Variants in CNTNAP2 observed in about 807,000 individuals in gnomAD.
CNTNAP2 encodes contactin associated protein 2, also known as contactin-associated protein-like 2.
A neutral mutation model predicts 155.2 loss-of-function variants in CNTNAP2; 98 were observed. The observed-to-expected ratio is 0.63, with a 90% CI of 0.54 to 0.75. The LOEUF (loss-of-function observed/expected upper bound fraction) is 0.75, where lower values mean the gene tolerates loss of function less well. Ranked by LOEUF, CNTNAP2 falls within the 30% of genes least tolerant of loss-of-function variation. The pLI is 0.00. For missense variants in CNTNAP2, 1,727 were observed against 1,688.1 expected (o/e 1.02, Z -0.40); for synonymous variants, 651 against 631.2 (o/e 1.03, Z -0.47).
intron 3 of CNTNAP2, among the ~76,000 whole-genome samples, chr7:146,995,889 T>C (rs1466120381): frequency 6.6e-6 from 1 of 152,134 alleles, no homozygotes; most frequent in Admixed American, 6.6e-5. Flanking sequence ...ATTCCACTTG[T>C]CTATTTTTTT....
intron 21 of CNTNAP2, among the ~76,000 whole-genome samples, chr7:148,359,886 T>C (rs535163386): frequency 1.1e-4 from 16 of 152,250 alleles, no homozygotes; most frequent in Non-Finnish European, 2.2e-4. Flanking sequence ...TGATTCATTA[T>C]TACTTTAAAC....
At chr7:147,702,055 GTT>G (rs553693695) in intron 13 of CNTNAP2, among the ~76,000 whole-genome samples, 2,399 of 111,848 alleles carry the variant, frequency 0.021, 69 homozygotes, top group African/African-American at 0.072. Flanking sequence ...ACTTTGGTTG[GTT>G]TTTTTTTTTT....
chr7:147,140,938 CG>C (rs796743693), intron 8 of CNTNAP2, among the ~76,000 whole-genome samples: 32 of 152,166 alleles, frequency 2.1e-4, no homozygotes, highest in African/African-American at 7.2e-4. Context: ...AATGAGACTC[CG>C]GGGCCATCCA....
chr7:146,322,384 G>A (rs1801019388), intron 1 of CNTNAP2, among the ~76,000 whole-genome samples: 1 of 152,120 alleles, frequency 6.6e-6, no homozygotes, highest in Non-Finnish European at 1.5e-5. Flanking sequence ...TTAAAAATGT[G>A]CATGATGTTT....
intron 8 of CNTNAP2, among the ~76,000 whole-genome samples, chr7:147,261,734 A>G (rs140507338): frequency 2.0e-5 from 3 of 152,318 alleles, no homozygotes; most frequent in African/African-American, 7.2e-5. Context: ...AGCAGAAGAC[A>G]ATGCTAAAAA....
chr7:148,205,572 A>G lies in CNTNAP2; in HGVS notation c.3011-11716A>G, dbSNP rs554455218. Among the ~76,000 whole-genome samples the G allele has an allele frequency of 6.1e-4, 93 of 152,350 alleles. 2 individuals are homozygous for G. In the South Asian group the frequency reaches 8.3e-3, roughly 14 times the overall value. On this transcript the variant is annotated intron_variant, in intron 18 of 23. Coordinates refer to ENST00000361727, the MANE Select transcript of CNTNAP2 (RefSeq NM_014141.6). The stretch of plus-strand genomic sequence containing the variant: ...TGTAAGTCCTTTCATTCTTTTGGAT[A>G]TATTATTCTAAATGCATCTTATAAC...
chr7:147,292,660 A>AC (rs1171569183), intron 8 of CNTNAP2, among the ~76,000 whole-genome samples: 1 of 152,162 alleles, frequency 6.6e-6, no homozygotes, highest in Non-Finnish European at 1.5e-5. Context: ...CAAGATAAGG[A>AC]CCACTACCTA....
At chr7:147,501,475 A>G (rs1325036691) in intron 11 of CNTNAP2, among the ~76,000 whole-genome samples, 1 of 152,168 alleles carries the variant, frequency 6.6e-6, no homozygotes, top group Non-Finnish European at 1.5e-5. Context: ...TCTTATAGAG[A>G]GATGTCCCTG....
At chr7:148,162,919 G>T (rs1242912977) in intron 17 of CNTNAP2, among the ~76,000 whole-genome samples, 2 of 152,202 alleles carry the variant, frequency 1.3e-5, no homozygotes, top group Admixed American at 1.3e-4. Flanking sequence ...AGGATTGCTT[G>T]AGCTCAGGAG....
intron 3 of CNTNAP2, among the ~76,000 whole-genome samples, chr7:146,949,996 GA>G (rs1358307682): frequency 6.6e-6 from 1 of 152,116 alleles, no homozygotes; most frequent in African/African-American, 2.4e-5. Flanking sequence ...CATCTGTCAG[GA>G]AATGATTAAT....
At chr7:147,357,161 C>T (rs115203296) in intron 9 of CNTNAP2, among the ~76,000 whole-genome samples, 1 of 152,218 alleles carries the variant, frequency 6.6e-6, no homozygotes, top group East Asian at 1.9e-4. Flanking sequence ...CTTTCTGGGT[C>T]TACCCCTTTG....
At chr7:146,315,759 A>G (rs1800895669) in intron 1 of CNTNAP2, among the ~76,000 whole-genome samples, 2 of 152,120 alleles carry the variant, frequency 1.3e-5, no homozygotes, top group South Asian at 4.1e-4. Flanking sequence ...GCCTTAGGTT[A>G]ATTGCTATAT....
intron 2 of CNTNAP2, among the ~76,000 whole-genome samples, chr7:146,828,522 A>C (rs1187674130): frequency 6.6e-6 from 1 of 152,054 alleles, no homozygotes; most frequent in East Asian, 1.9e-4. Context: ...ATGGGAATCC[A>C]TTCTATTGTT....
intron 13 of CNTNAP2, among the ~76,000 whole-genome samples, chr7:147,774,076 G>C (rs1797518072): frequency 6.6e-6 from 1 of 151,760 alleles, no homozygotes; most frequent in Non-Finnish European, 1.5e-5. Context: ...ACTTCCTTTT[G>C]CCATCTAAAA....
chr7:147,402,297 T>A (rs915646576), intron 10 of CNTNAP2, among the ~76,000 whole-genome samples: 33 of 152,158 alleles, frequency 2.2e-4, no homozygotes, highest in Admixed American at 1.3e-4. Flanking sequence ...TCCCACCTGC[T>A]CCACCAAGGT....
At chr7:148,284,265 T>TG (rs1173984684) in intron 21 of CNTNAP2, among the ~76,000 whole-genome samples, 2 of 152,222 alleles carry the variant, frequency 1.3e-5, no homozygotes, top group Non-Finnish European at 2.9e-5. Context: ...AATTGAATCA[T>TG]GGGGGGGTTT....
chr7:146,446,728 G>C (rs1415218580), intron 1 of CNTNAP2, among the ~76,000 whole-genome samples: 2 of 152,060 alleles, frequency 1.3e-5, no homozygotes, highest in African/African-American at 4.8e-5. Flanking sequence ...AGCAACTCTT[G>C]AAGATCCTTA....
intron 1 of CNTNAP2, among the ~76,000 whole-genome samples, chr7:146,661,901 C>A (rs114948715): frequency 6.6e-5 from 10 of 151,928 alleles, no homozygotes; most frequent in Non-Finnish European, 1.3e-4. Context: ...CATGGTTATA[C>A]CATTTTGCAT....
At chr7:148,235,322 G>A (rs1796024645) in intron 20 of CNTNAP2, among the ~76,000 whole-genome samples, 1 of 152,196 alleles carries the variant, frequency 6.6e-6, no homozygotes, top group African/African-American at 2.4e-5. Context: ...TAGTGTGCTA[G>A]GTGCTAGAAG....
Sources: gnomAD v4.1 joint callset for allele counts (sites outside exome capture counted in the v4.1 genomes callset) on GRCh38, gnomAD v4.1.1 for gene constraint, MANE v1.5 for transcripts, NCBI Gene and HGNC (gene_info 2026-07-23, HGNC 2026-07-21) for gene names.